Variants in SEL1L3 observed in about 807,000 individuals in gnomAD.
SEL1L3 encodes SEL1L family member 3.
SEL1L3 carries 76 observed loss-of-function variants against 142.8 expected under a neutral mutation model. That is an observed-to-expected ratio of 0.53 (90% CI 0.44 to 0.64). The LOEUF (loss-of-function observed/expected upper bound fraction) is 0.64. Ranked by LOEUF, SEL1L3 falls within the 30% of genes least tolerant of loss-of-function variation. The pLI is 0.00. For synonymous variants in SEL1L3, 504 were observed against 519.6 expected (o/e 0.97, Z 0.41); for missense variants, 1,262 against 1,381.7 (o/e 0.91, Z 1.37).
the SEL1L3 span, chr4:25,720,814 G>A: frequency 6.6e-6 from 1 of 152,192 alleles, no homozygotes; most frequent in East Asian, 1.9e-4. Flanking sequence ...AGTGCTTGAA[G>A]TATCTGCTTT....
At chr4:25,714,524 C>CTTTCTTTCTTTG in the SEL1L3 span, among the ~76,000 whole-genome samples, 1 of 141,048 alleles carries the variant, frequency 7.1e-6, no homozygotes, top group Non-Finnish European at 1.5e-5. Context: ...TTCTTTCTTT[C>CTTTCTTTCTTTG]TTTCTTTCTT....
chr4:25,819,959 G>C lies in SEL1L3; in HGVS notation c.1291-19C>G, dbSNP rs774375239. On this transcript the variant is annotated intron_variant, in intron 7 of 23. Coordinates refer to ENST00000399878, the MANE Select transcript of SEL1L3 (RefSeq NM_015187.5). ...TAAAAATCTACAAGAAGGCAAGAAA[G>C]TCAAATGAACAACAATTGTCATCAA... 6.2e-7 allele frequency: 1 copy of C among 1,603,360 alleles called. No homozygotes were observed. The highest frequency in any genetic ancestry group is 8.5e-7 in the Non-Finnish European group (1 of 1,174,384).
chr4:25,740,420 G>A, the SEL1L3 span, among the ~76,000 whole-genome samples: 1 of 142,532 alleles, frequency 7.0e-6, no homozygotes, highest in Non-Finnish European at 1.5e-5. Flanking sequence ...GCTACAGAGT[G>A]AGACTCCATC....
intron 2 of SEL1L3, among the ~76,000 whole-genome samples, chr4:25,843,184 C>T (rs564600176): frequency 1.3e-4 from 19 of 150,972 alleles, no homozygotes; most frequent in African/African-American, 4.6e-4. Flanking sequence ...GAGTAAGGGG[C>T]ATGGGTTGAT....
chr4:25,833,402 A>C (rs758148687), intron 4 of SEL1L3, 46 bp downstream of exon 4: 6 of 1,561,638 alleles, frequency 3.8e-6, no homozygotes, highest in Non-Finnish European at 5.3e-6. Flanking sequence ...TAGGCAGAGC[A>C]TTACAAAATT....
chr4:25,751,247 G>GA (rs150509490), intron 23 of SEL1L3, among the ~76,000 whole-genome samples: 2,347 of 152,282 alleles, frequency 0.015, 38 homozygotes, highest in Non-Finnish European at 0.025. Context: ...AGTGGACAAG[G>GA]AGAGTGCTTT....
intron 13 of SEL1L3, among the ~76,000 whole-genome samples, chr4:25,787,920 G>A (rs1010142837): frequency 7.2e-5 from 11 of 152,224 alleles, no homozygotes; most frequent in Non-Finnish European, 1.3e-4. Context: ...AACTTGCAGT[G>A]CCTGTGGGGG....
At chr4:25,727,059 CTTTTTTT>C in the SEL1L3 span, among the ~76,000 whole-genome samples, 12 of 145,018 alleles carry the variant, frequency 8.3e-5, no homozygotes, top group Non-Finnish European at 1.5e-5. Context: ...TTTTAATTTT[CTTTTTTT>C]TTTTGAGACG....
intron 17 of SEL1L3, among the ~76,000 whole-genome samples, chr4:25,772,150 T>C (rs1719268671): frequency 6.6e-6 from 1 of 152,188 alleles, no homozygotes; most frequent in Admixed American, 6.5e-5. Context: ...CAAACATACA[T>C]TTCCTATTTA....
intron 17 of SEL1L3, among the ~76,000 whole-genome samples, chr4:25,768,643 A>G (rs1018779358): frequency 3.9e-5 from 6 of 152,230 alleles, no homozygotes; most frequent in African/African-American, 1.4e-4. Flanking sequence ...AGTTCATGGT[A>G]GAGCTGTGTA....
chr4:25,836,999 T>C (rs553578868), intron 2 of SEL1L3, among the ~76,000 whole-genome samples: 1 of 152,246 alleles, frequency 6.6e-6, no homozygotes, highest in East Asian at 1.9e-4. Flanking sequence ...CAAATCTTCA[T>C]GGTTTGTTAC....
At chr4:25,845,450 C>T (rs559060476) in intron 2 of SEL1L3, among the ~76,000 whole-genome samples, 3 of 152,262 alleles carry the variant, frequency 2.0e-5, no homozygotes, top group African/African-American at 4.8e-5. Context: ...GAGTTATGAT[C>T]GTGCCACTGC....
chr4:25,780,838 AT>A (rs1427285106), intron 15 of SEL1L3, among the ~76,000 whole-genome samples: 1 of 130,906 alleles, frequency 7.6e-6, no homozygotes, highest in Non-Finnish European at 1.6e-5. Context: ...ATATATATAT[AT>A]TTTTGAGATG....
chr4:25,833,379 A>T (rs145549511), intron 4 of SEL1L3, 69 bp downstream of exon 4: 1 of 1,434,140 alleles, frequency 7.0e-7, no homozygotes, highest in African/African-American at 1.4e-5. Context: ...TTCTAGACAG[A>T]CATATCTGTC....
the SEL1L3 span, among the ~76,000 whole-genome samples, chr4:25,716,581 A>G: frequency 0.045 from 6,794 of 152,298 alleles, 247 homozygotes; most frequent in African/African-American, 0.096. Context: ...TGTATTAACA[A>G]AAATCAACAA....
At position 25,862,862 on chromosome 4, in the gene SEL1L3, GA is replaced by G; in HGVS notation, c.-27del. ...GGCGAGGCCGCCCGGATCCGGGCCGGAACAGGTCACCTGGTGCAGGGACCGG... is the reference window on the plus strand; with the variant it reads ...GGCGAGGCCGCCCGGATCCGGGCCGGACAGGTCACCTGGTGCAGGGACCGG... On this transcript the variant is annotated 5_prime_UTR_variant, in exon 1 of 24. Coordinates refer to ENST00000399878, the MANE Select transcript of SEL1L3 (RefSeq NM_015187.5). 9.2e-7 allele frequency: 1 copy of G among 1,086,032 alleles called. No homozygotes were observed. Among genetic ancestry groups the G allele is most frequent in the East Asian group, 6.1e-5 (1 of 16,526 alleles). The allele number at this position is 1,086,032 out of a possible 1,614,324, so 67.3% of individuals were successfully genotyped here.
At chr4:25,808,734 C>A (rs1025117226) in intron 9 of SEL1L3, among the ~76,000 whole-genome samples, 1 of 152,064 alleles carries the variant, frequency 6.6e-6, no homozygotes, top group Admixed American at 6.6e-5. Flanking sequence ...ACCTGGAGAT[C>A]CTCATTGGGC....
chr4:25,765,744 T>G (rs1013652434), intron 19 of SEL1L3, among the ~76,000 whole-genome samples: 2 of 152,076 alleles, frequency 1.3e-5, no homozygotes, highest in African/African-American at 4.8e-5. Flanking sequence ...GCTCAAGTGA[T>G]CCTTCCACCT....
At chr4:25,747,287 C>T (rs923443590), downstream of SEL1L3, 5 of 152,022 alleles carry the variant, frequency 3.3e-5, no homozygotes, top group African/African-American at 1.2e-4. Context: ...CCTTCCTATC[C>T]ACAAATATTA....
Sources: gnomAD v4.1 joint callset for allele counts (sites outside exome capture counted in the v4.1 genomes callset) on GRCh38, gnomAD v4.1.1 for gene constraint, MANE v1.5 for transcripts, NCBI Gene and HGNC (gene_info 2026-07-23, HGNC 2026-07-21) for gene names.